Variants in SPMIP11 observed in about 807,000 individuals in gnomAD.
SPMIP11 encodes long intergenic non-protein coding RNA 935.
the SPMIP11 span, among the ~76,000 whole-genome samples, chr12:48,756,771 C>CTTTTTTT: frequency 9.2e-6 from 1 of 108,648 alleles, no homozygotes; most frequent in African/African-American, 2.9e-5. Flanking sequence ...ATTTTTTTTT[C>CTTTTTTT]TTTTTTTCTT....
chr12:48,768,431 G>C, the SPMIP11 span: 1 of 1,025,856 alleles, frequency 9.7e-7, no homozygotes, highest in South Asian at 1.4e-5. Context: ...CAGCTTGAGG[G>C]CAGACGAGCA....
the SPMIP11 span, among the ~76,000 whole-genome samples, chr12:48,738,470 C>T: frequency 6.6e-6 from 1 of 152,016 alleles, no homozygotes; most frequent in Non-Finnish European, 1.5e-5. Context: ...CCCAGTTTCT[C>T]ACCATATGGG....
chr12:48,758,207 A>G, the SPMIP11 span, among the ~76,000 whole-genome samples: 1 of 152,108 alleles, frequency 6.6e-6, no homozygotes, highest in Non-Finnish European at 1.5e-5. Flanking sequence ...AAATAAGAAA[A>G]TGTTGGGAAG....
chr12:48,760,492 C>A, the SPMIP11 span, among the ~76,000 whole-genome samples: 3 of 150,400 alleles, frequency 2.0e-5, no homozygotes, highest in African/African-American at 4.9e-5. Context: ...TACCCTTTAT[C>A]AACCTACTCC....
the SPMIP11 span, chr12:48,764,882 T>C: frequency 1.3e-5 from 9 of 702,812 alleles, no homozygotes; most frequent in Non-Finnish European, 2.3e-5. Context: ...TCCCCTTGAC[T>C]GATGCTCAGA....
chr12:48,744,248 CAAAA>C, the SPMIP11 span, among the ~76,000 whole-genome samples: 6 of 98,246 alleles, frequency 6.1e-5, no homozygotes, highest in Non-Finnish European at 8.2e-5. Flanking sequence ...AGCAACCTCT[CAAAA>C]AAAAAAAAAA....
At chr12:48,769,071 A>G in the SPMIP11 span, 1 of 1,606,388 alleles carries the variant, frequency 6.2e-7, no homozygotes, top group Non-Finnish European at 8.5e-7. Context: ...CCTGAGGTGG[A>G]GAGAACAGCA....
the SPMIP11 span, among the ~76,000 whole-genome samples, chr12:48,732,972 C>T: frequency 3.3e-5 from 5 of 150,978 alleles, no homozygotes; most frequent in Admixed American, 6.6e-5. Context: ...TGTGGTGAGC[C>T]GAGACCGTGC....
At chr12:48,750,267 T>A in the SPMIP11 span, among the ~76,000 whole-genome samples, 1 of 152,074 alleles carries the variant, frequency 6.6e-6, no homozygotes, top group Non-Finnish European at 1.5e-5. Context: ...GAGAGAGGAT[T>A]ACTTGAACCC....
the SPMIP11 span, among the ~76,000 whole-genome samples, chr12:48,729,796 AGTTCTG>A: frequency 2.0e-5 from 3 of 151,922 alleles, no homozygotes; most frequent in Admixed American, 6.6e-5. Flanking sequence ...CCATCAAAGA[AGTTCTG>A]TTTTACTATC....
At chr12:48,729,420 G>C in the SPMIP11 span, among the ~76,000 whole-genome samples, 1 of 152,216 alleles carries the variant, frequency 6.6e-6, no homozygotes, top group South Asian at 2.1e-4. Context: ...TGTAACCCCA[G>C]CTACTTAGGA....
the SPMIP11 span, chr12:48,727,445 C>G: frequency 1.4e-6 from 1 of 702,170 alleles, no homozygotes; most frequent in Admixed American, 2.0e-5. Context: ...AGTGCCCCAA[C>G]CTGGACGTTC....
the SPMIP11 span, among the ~76,000 whole-genome samples, chr12:48,750,618 A>G: frequency 4.6e-5 from 7 of 152,120 alleles, no homozygotes; most frequent in Admixed American, 2.0e-4. Flanking sequence ...GGAAATTCAC[A>G]ACGTGGGGCA....
At chr12:48,751,641 A>T in the SPMIP11 span, among the ~76,000 whole-genome samples, 6 of 152,150 alleles carry the variant, frequency 3.9e-5, no homozygotes, top group African/African-American at 1.4e-4. Context: ...GTATCCAAAG[A>T]TGTTCAAATT....
chr12:48,748,865 G>A, the SPMIP11 span, among the ~76,000 whole-genome samples: 5 of 152,070 alleles, frequency 3.3e-5, no homozygotes, highest in African/African-American at 4.8e-5. Flanking sequence ...CACCTATTAA[G>A]ACAAACCCCC....
the SPMIP11 span, among the ~76,000 whole-genome samples, chr12:48,750,161 G>C: frequency 6.6e-6 from 1 of 152,062 alleles, no homozygotes; most frequent in Non-Finnish European, 1.5e-5. Context: ...AGACCAGCCT[G>C]GGCAACAGAG....
At chr12:48,730,259 C>T in the SPMIP11 span, among the ~76,000 whole-genome samples, 13 of 152,094 alleles carry the variant, frequency 8.5e-5, no homozygotes, top group Admixed American at 2.0e-4. Flanking sequence ...TGTGGGATGA[C>T]GGAGAAGTAT....
the SPMIP11 span, among the ~76,000 whole-genome samples, chr12:48,742,976 T>C: frequency 6.6e-6 from 1 of 152,158 alleles, no homozygotes; most frequent in African/African-American, 2.4e-5. Context: ...TGTCTGGGTG[T>C]AGTGGCTCAC....
the SPMIP11 span, among the ~76,000 whole-genome samples, chr12:48,736,782 A>G: frequency 5.3e-5 from 8 of 150,944 alleles, no homozygotes; most frequent in Admixed American, 2.0e-4. Context: ...AGGTATGTTT[A>G]TGAGTCCAGA....
Sources: allele counts gnomAD v4.1 joint callset (sites outside exome capture counted in the v4.1 genomes callset), GRCh38; gene constraint gnomAD v4.1.1; transcripts MANE v1.5; gene names NCBI Gene and HGNC (gene_info 2026-07-23, HGNC 2026-07-21).